MFGE8: variants seen among roughly 807,000 people sequenced by gnomAD.
MFGE8 encodes the protein lactadherin.
A neutral mutation model predicts 42.6 loss-of-function variants in MFGE8; 34 were observed. That is an observed-to-expected ratio of 0.80 (90% CI 0.61 to 1.06). The LOEUF (loss-of-function observed/expected upper bound fraction) is 1.06. Ranked by LOEUF, MFGE8 falls within the 50% of genes least tolerant of loss-of-function variation. The pLI, the probability that MFGE8 is intolerant of heterozygous loss-of-function variation, is 0.00. For synonymous variants in MFGE8, 230 were observed against 214.8 expected, an observed-to-expected ratio of 1.07 and a Z score of -0.62; for missense variants, 510 against 516.9, an observed-to-expected ratio of 0.99 and a Z score of 0.13.
Position 88,905,812 on chromosome 15 carries a change from C to G in MFGE8, c.630G>C (p.Thr210=), listed in dbSNP as rs771581328. 2 of 1,614,194 alleles carry G rather than the reference C, an allele frequency of 1.2e-6. No individual in the cohort carries two copies. The highest frequency in any genetic ancestry group is 1.7e-6 in the Non-Finnish European group (2 of 1,180,038). Reference sequence around the variant, plus strand: ...GCAGAGTGCAGGCCGTGTGGCAGCTCGTGGGGTACAATCTCACGTACTGAG... The same window carrying G: ...GCAGAGTGCAGGCCGTGTGGCAGCTGGTGGGGTACAATCTCACGTACTGAG... ...VEAQYVRLYP[T]SCHTACTLRF... The change falls in exon 5 of 8, where the codon ACG becomes ACC. Residue 210 remains threonine, a synonymous_variant. Transcript: ENST00000268150. The surrounding 1 kb of genome is among the most constrained non-coding windows in gnomAD (Gnocchi z 6.6).
intron 1 of MFGE8, 40 bp from the exon 2 acceptor site, chr15:88,909,963 A>C: frequency 8.1e-6 from 13 of 1,612,954 alleles, no homozygotes; most frequent in Non-Finnish European, 1.1e-5. Flanking sequence ...ATGATCAGGA[A>C]GGAGCTGGGG....
intron 2 of MFGE8, among the ~76,000 whole-genome samples, chr15:88,907,992 G>A (rs766401846): frequency 2.6e-5 from 4 of 152,178 alleles, no homozygotes; most frequent in Non-Finnish European, 4.4e-5. Flanking sequence ...CCACTGGCAG[G>A]AGTTCTCTGG....
rs2141709802 is a variant in MFGE8 at position 88,906,138 on chromosome 15, C to T, written c.541-237G>A. ...CATCATGGAGCCTGGGCATAAACCC[C>T]TATAGCTGACACAGGGCCACCTGTA... On this transcript the variant is annotated intron_variant, in intron 4 of 7. Transcript: ENST00000268150. The surrounding 1 kb of genome is among the most constrained non-coding windows in gnomAD (Gnocchi z 4.2). 5 of 582,130 alleles carry T rather than the reference C, an allele frequency of 8.6e-6. No individual in the cohort carries two copies. Among genetic ancestry groups the T allele is most frequent in the African/African-American group, 1.9e-5 (1 of 53,744 alleles). 36.1% of individuals were successfully genotyped at this position (582,130 alleles called of 1,614,324 possible).
rs1190739567 is a variant in MFGE8 at position 88,906,616 on chromosome 15, C to T, written c.540+10G>A. On this transcript the variant is annotated intron_variant, in intron 4 of 7. Transcript: ENST00000268150. The surrounding 1 kb of genome is among the most constrained non-coding windows in gnomAD (Gnocchi z 4.2). ...CCACAGCCCTTCTTTCGGGCCCCAA[C>T]AAGACCTACCTTGTGTTTTTTATTA... The T allele has an allele frequency of 2.5e-6, 4 of 1,613,840 alleles. No individual in the cohort carries two copies. The African/African-American group carries it at 4.0e-5, about 16-fold the overall frequency.
chr15:88,904,445 G>A (rs1898573138), intron 5 of MFGE8: 1 of 152,222 alleles, frequency 6.6e-6, no homozygotes, highest in Non-Finnish European at 1.5e-5. Flanking sequence ...GAAGGAAGCA[G>A]ACAGGGTACC....
intron 1 of MFGE8, chr15:88,912,306 C>T (rs1033337985): frequency 3.1e-6 from 4 of 1,278,672 alleles, no homozygotes; most frequent in Admixed American, 4.7e-5. Context: ...AGCTGTCTTT[C>T]ATGGTGGCCG....
chr15:88,906,472 G>C lies in MFGE8; in HGVS notation c.540+154C>G. The C allele has an allele frequency of 1.2e-6, 1 of 815,392 alleles. No individual in the cohort carries two copies. The highest frequency in any genetic ancestry group is 2.1e-6 in the Non-Finnish European group (1 of 473,464). The allele number at this position is 815,392 out of a possible 1,614,324, so 50.5% of individuals were successfully genotyped here. Reference sequence around the variant, plus strand: ...AACCACAGAACATGGACACAGTCTGGGTTTCCCAATTTCTAGAAGCCAAGA... The same window carrying C: ...AACCACAGAACATGGACACAGTCTGCGTTTCCCAATTTCTAGAAGCCAAGA... On this transcript the variant is annotated intron_variant, in intron 4 of 7. Transcript: ENST00000268150. This position sits in a 1 kb window ranked among gnomAD's most constrained non-coding sequence, Gnocchi z 4.2.
intron 5 of MFGE8, 124 bp from the exon 6 acceptor site, chr15:88,901,859 C>G (rs1370888416): frequency 1.1e-6 from 1 of 948,460 alleles, no homozygotes; most frequent in East Asian, 2.6e-5. Context: ...TCTTGGGCAA[C>G]AGAAAGCAGC....
intron 1 of MFGE8, chr15:88,912,337 A>G (rs1346278315): frequency 1.0e-6 from 1 of 985,126 alleles, no homozygotes; most frequent in Non-Finnish European, 1.2e-6. Flanking sequence ...GGAGCTCCCA[A>G]GTTCCTGGGA....
chr15:88,912,369 C>A (rs761345021), intron 1 of MFGE8: 50 of 985,084 alleles, frequency 5.1e-5, no homozygotes, highest in Admixed American at 6.1e-5. Context: ...TCTGGAAGCT[C>A]TAGCCCCGAG....
chr15:88,912,675 C>T (rs963139867), intron 1 of MFGE8: 3 of 985,260 alleles, frequency 3.0e-6, no homozygotes, highest in Non-Finnish European at 3.6e-6. Context: ...CAGCCCTCTT[C>T]CAAGCTCCTC....
rs1387396473 is a variant in MFGE8, at chr15:88,903,166, T to C, written c.686-1431A>G. 6.6e-6 allele frequency: 1 copy of C among 152,236 alleles called. No individual in the cohort carries two copies. Among genetic ancestry groups the C allele is most frequent in the Non-Finnish European group, 1.5e-5 (1 of 68,066 alleles). 9.4% of individuals were successfully genotyped at this position (152,236 alleles called of 1,614,324 possible). A position where few individuals can be genotyped will look rare whatever the true frequency, so the allele number is the denominator to read the frequency against. On this transcript the variant is annotated intron_variant, in intron 5 of 7. Transcript: ENST00000268150. This position sits in a 1 kb window ranked among gnomAD's most constrained non-coding sequence, Gnocchi z 4.9. ...TGCAGAGGACACCAATTCTGCACAA[T>C]GTGCTCAACGCAGACCCCTCTACAG...
At chr15:88,908,042 T>C (rs895994831) in intron 2 of MFGE8, among the ~76,000 whole-genome samples, 38 of 152,268 alleles carry the variant, frequency 2.5e-4, no homozygotes, top group Non-Finnish European at 8.8e-5. Flanking sequence ...TCTTTACGCC[T>C]TCCACCTGTG....
Position 88,905,671 on chromosome 15 carries a change from A to G in MFGE8, c.685+86T>C. On this transcript the variant is annotated intron_variant, in intron 5 of 7. Transcript: ENST00000268150. This position sits in a 1 kb window ranked among gnomAD's most constrained non-coding sequence, Gnocchi z 6.6. The stretch of plus-strand genomic sequence containing the variant: ...GCCTTGTTGCTGCCCTACCTAGCTC[A>G]GTTTGGCTGAGAAAAGAGGCAGCAG... 6.3e-7 allele frequency: 1 copy of G among 1,582,030 alleles called. No individual in the cohort carries two copies. The highest frequency in any genetic ancestry group is 1.1e-5 in the South Asian group (1 of 90,242).
intron 2 of MFGE8, among the ~76,000 whole-genome samples, chr15:88,907,823 G>C (rs1181955964): frequency 6.6e-6 from 1 of 151,998 alleles, no homozygotes; most frequent in Non-Finnish European, 1.5e-5. Context: ...CTCTTCCTCA[G>C]TGTCCCCTCC....
chr15:88,902,239 C>CA lies in MFGE8; in HGVS notation c.686-505dup, dbSNP rs35023517. The CA allele has an allele frequency of 5.7e-3, 693 of 121,842 alleles. 21 individuals carry two copies. In the South Asian group the frequency reaches 0.11, roughly 19 times the overall value. 7.5% of individuals were successfully genotyped at this position (121,842 alleles called of 1,614,324 possible). On this transcript the variant is annotated intron_variant, in intron 5 of 7. Transcript: ENST00000268150. The surrounding 1 kb of genome is among the most constrained non-coding windows in gnomAD (Gnocchi z 4.3). ...TTACTTCAGTCATTTAACCTGCCAC[C>CA]AAAAAAAAAAAGAAAAAAAAACACT...
intron 6 of MFGE8, 34 bp downstream of exon 6, chr15:88,901,517 A>ACCCCCCCC: frequency 7.5e-6 from 8 of 1,072,612 alleles, no homozygotes; most frequent in East Asian, 2.7e-5. Context: ...ATCCCACCCA[A>ACCCCCCCC]CCCCAGCCCC....
chr15:88,900,343 G>A (rs940730089), intron 6 of MFGE8, among the ~76,000 whole-genome samples: 3 of 152,054 alleles, frequency 2.0e-5, no homozygotes, highest in Admixed American at 6.5e-5. Flanking sequence ...CATAGGGTCT[G>A]GGCCCTGGCC....
Position 88,906,712 on chromosome 15 carries a change from G to A in MFGE8, c.454C>T (p.His152Tyr). 2.5e-6 allele frequency: 4 copies of A among 1,613,854 alleles called. No homozygotes were observed. The highest frequency in any genetic ancestry group is 3.4e-6 in the Non-Finnish European group (4 of 1,179,934). Residue 152 changes from histidine (H) to tyrosine (Y), a missense_variant, in exon 4 of 8, where the codon CAT becomes TAT. Coordinates refer to ENST00000268150, the MANE Select transcript of MFGE8 (RefSeq NM_005928.4). The surrounding 1 kb of genome is among the most constrained non-coding windows in gnomAD (Gnocchi z 4.2). Reference sequence around the variant, plus strand: ...ACCTTGAAGGCCTTCAGGTACTCATGACTGGCCAAGCGGCTGGCACCCTGC... The same window carrying A: ...ACCTTGAAGGCCTTCAGGTACTCATAACTGGCCAAGCGGCTGGCACCCTGC... ...VTQGASRLAS[H>Y]EYLKAFKVAY...
Sources: allele counts gnomAD v4.1 joint callset (sites outside exome capture counted in the v4.1 genomes callset), GRCh38; gene constraint gnomAD v4.1.1; non-coding constraint Gnocchi (gnomAD v3.1); transcripts MANE v1.5; gene names NCBI Gene and HGNC (gene_info 2026-07-23, HGNC 2026-07-21).